SRRM4: variants seen among roughly 807,000 people sequenced by gnomAD.
The protein encoded by SRRM4 is serine/arginine repetitive matrix 4.
In SRRM4, 33 loss-of-function variants were observed where a neutral mutation model predicts 68.9. That is an observed-to-expected ratio of 0.48 (90% CI 0.36 to 0.64). The LOEUF (loss-of-function observed/expected upper bound fraction) is 0.64. Among genes scored for constraint, SRRM4 ranks in the 30% least tolerant of loss-of-function variants. The probability of loss-of-function intolerance (pLI) is 0.00; values close to 1 mark genes in which losing one functional copy is unlikely to be tolerated. For synonymous variants in SRRM4, 318 were observed against 318.8 expected (o/e 1.00, Z 0.03); for missense variants, 817 against 827.1 (o/e 0.99, Z 0.15).
chr12:119,042,454 A>G (rs1189419587), intron 1 of SRRM4, among the ~76,000 whole-genome samples: 1 of 152,056 alleles, frequency 6.6e-6, no homozygotes, highest in Non-Finnish European at 1.5e-5. Context: ...TTATTAGTGT[A>G]ATTCAGTTGC....
intron 10 of SRRM4, 126 bp downstream of exon 10, chr12:119,151,346 C>T (rs1954438215): frequency 2.4e-6 from 2 of 845,864 alleles, no homozygotes; most frequent in African/African-American, 3.4e-5. Flanking sequence ...TCGTTTTGCC[C>T]ATTTCGAGCT....
intron 1 of SRRM4, among the ~76,000 whole-genome samples, chr12:119,017,128 C>A (rs1387991081): frequency 6.6e-6 from 1 of 152,160 alleles, no homozygotes; most frequent in Middle Eastern, 3.2e-3. Flanking sequence ...GTCTATAAAT[C>A]CCCTGAGGTT....
chr12:119,024,984 T>C (rs1237901763), intron 1 of SRRM4, among the ~76,000 whole-genome samples: 1 of 152,108 alleles, frequency 6.6e-6, no homozygotes, highest in African/African-American at 2.4e-5. Context: ...CTGCCCTACA[T>C]AGAGCCTCAT....
intron 1 of SRRM4, among the ~76,000 whole-genome samples, chr12:119,015,131 T>G (rs992296756): frequency 6.6e-6 from 1 of 152,112 alleles, no homozygotes; most frequent in Admixed American, 6.5e-5. Context: ...GTTTGTTGAG[T>G]GAAAAATGGC....
intron 7 of SRRM4, among the ~76,000 whole-genome samples, chr12:119,128,188 C>T (rs776171887): frequency 4.0e-4 from 61 of 152,276 alleles, no homozygotes; most frequent in Non-Finnish European, 3.5e-4. Context: ...CCTGATTGCT[C>T]AAGACAAAAC....
intron 1 of SRRM4, among the ~76,000 whole-genome samples, chr12:119,029,326 T>A (rs1407497340): frequency 6.6e-6 from 1 of 152,214 alleles, no homozygotes; most frequent in Non-Finnish European, 1.5e-5. Flanking sequence ...TGCTAAGCCC[T>A]GATGAAGACA....
In SRRM4 at chr12:118,983,948, G is replaced by A. The variant is rs749060890; in HGVS notation, c.131+1935G>A. Among the ~76,000 whole-genome samples, 7 of 151,930 alleles carry A rather than the reference G, an allele frequency of 4.6e-5. No homozygotes were observed. In the South Asian group the frequency reaches 6.3e-4, roughly 14 times the overall value. On this transcript the variant is annotated intron_variant, in intron 1 of 12. Coordinates refer to ENST00000267260, the MANE Select transcript of SRRM4 (RefSeq NM_194286.4). ...TTCACTCTTGGTGCCTTTTAATGTC[G>A]TGGGTCTCCTTTGCCCTAGAAACCA...
At chr12:119,008,026 T>C (rs1170412794) in intron 1 of SRRM4, among the ~76,000 whole-genome samples, 1 of 152,142 alleles carries the variant, frequency 6.6e-6, no homozygotes, top group Non-Finnish European at 1.5e-5. Flanking sequence ...AGAGGAGAAA[T>C]TGTCCAGGTA....
At chr12:119,090,072 G>A (rs1348930201) in intron 1 of SRRM4, among the ~76,000 whole-genome samples, 1 of 152,096 alleles carries the variant, frequency 6.6e-6, no homozygotes, top group Admixed American at 6.5e-5. Context: ...CTGTTGACAA[G>A]GGGCAGGGAC....
At chr12:119,128,453 C>G (rs1954274226) in intron 7 of SRRM4, among the ~76,000 whole-genome samples, 1 of 152,180 alleles carries the variant, frequency 6.6e-6, no homozygotes, top group Non-Finnish European at 1.5e-5. Context: ...CACCTATCAC[C>G]AGCCCAAAGC....
intron 1 of SRRM4, among the ~76,000 whole-genome samples, chr12:119,045,405 T>C (rs1375857519): frequency 1.3e-5 from 2 of 151,060 alleles, no homozygotes; most frequent in African/African-American, 2.4e-5. Context: ...GGGCAGAGTG[T>C]GTTATAATCA....
chr12:118,984,377 C>T (rs1594013581), intron 1 of SRRM4, among the ~76,000 whole-genome samples: 1 of 152,290 alleles, frequency 6.6e-6, no homozygotes, highest in East Asian at 1.9e-4. Flanking sequence ...CCTCTAGAGG[C>T]AATCTGGGGA....
chr12:119,066,890 T>C (rs1953849450), intron 1 of SRRM4, among the ~76,000 whole-genome samples: 1 of 152,234 alleles, frequency 6.6e-6, no homozygotes, highest in South Asian at 2.1e-4. Context: ...ATGATTCTTA[T>C]GTGCACACAC....
intron 1 of SRRM4, among the ~76,000 whole-genome samples, chr12:119,006,949 T>TG (rs1272795944): frequency 2.0e-5 from 3 of 152,180 alleles, no homozygotes; most frequent in African/African-American, 7.2e-5. Flanking sequence ...GAGGAGCCCG[T>TG]GAGAAGGCAG....
At chr12:119,041,515 T>C (rs1953668943) in intron 1 of SRRM4, among the ~76,000 whole-genome samples, 2 of 152,370 alleles carry the variant, frequency 1.3e-5, no homozygotes, top group Admixed American at 6.5e-5. Context: ...AATAACACGA[T>C]GAACCCTACA....
intron 1 of SRRM4, among the ~76,000 whole-genome samples, chr12:119,100,550 C>T (rs1954072498): frequency 1.3e-5 from 2 of 152,060 alleles, no homozygotes; most frequent in South Asian, 2.1e-4. Context: ...GTATCTATTC[C>T]TCCATCTAGA....
intron 1 of SRRM4, among the ~76,000 whole-genome samples, chr12:119,012,573 T>C (rs1953456996): frequency 6.6e-6 from 1 of 152,220 alleles, no homozygotes; most frequent in African/African-American, 2.4e-5. Context: ...TCTGTTCTTT[T>C]CTTTCTCAAC....
At chr12:119,105,736 G>A (rs1248836059) in intron 2 of SRRM4, among the ~76,000 whole-genome samples, 1 of 152,080 alleles carries the variant, frequency 6.6e-6, no homozygotes, top group Non-Finnish European at 1.5e-5. Flanking sequence ...TTGTCAGATA[G>A]GTAGATTGTA....
intron 1 of SRRM4, among the ~76,000 whole-genome samples, chr12:119,061,465 A>C (rs113274421): frequency 6.6e-6 from 1 of 152,192 alleles, no homozygotes. Context: ...CCATGAAAGC[A>C]CTACCTGGCT....
Sources: allele counts gnomAD v4.1 joint callset (sites outside exome capture counted in the v4.1 genomes callset), GRCh38; gene constraint gnomAD v4.1.1; transcripts MANE v1.5; gene names NCBI Gene and HGNC (gene_info 2026-07-23, HGNC 2026-07-21).